Variants in DIXDC1 observed in about 807,000 individuals in gnomAD.
The protein encoded by DIXDC1 is dixin.
DIXDC1 carries 64 observed loss-of-function variants against 103.1 expected under a neutral mutation model. The observed-to-expected ratio is 0.62, with a 90% CI of 0.51 to 0.76. DIXDC1 has a LOEUF of 0.76. Among genes scored for constraint, DIXDC1 ranks in the 30% least tolerant of loss-of-function variants. DIXDC1 has a pLI of 0.00. For missense variants in DIXDC1, 759 were observed against 834.2 expected, an observed-to-expected ratio of 0.91 and a Z score of 1.11; for synonymous variants, 266 against 298.5, an observed-to-expected ratio of 0.89 and a Z score of 1.12.
In DIXDC1 at chr11:111,995,424, C is replaced by T. The variant is rs587602428; in HGVS notation, c.1549C>T (p.Arg517Ter). Residue 517 changes from arginine (R) to a stop codon, truncating the protein, a stop_gained, in exon 16 of 20, where the codon CGA becomes TGA. Coordinates refer to ENST00000440460, the MANE Select transcript of DIXDC1 (RefSeq NM_001037954.4). LOFTEE classifies it high-confidence loss of function. ...NRGTSDLQLV[R>*]DALRSLRNSF... Reference sequence around the variant, plus strand: ...ACAGACCAGCGACCTGCAGCTTGTTCGAGATGCTCTCCGCAGCCTGCGCAA... The same window carrying T: ...ACAGACCAGCGACCTGCAGCTTGTTTGAGATGCTCTCCGCAGCCTGCGCAA... 12 of 1,612,964 alleles carry T rather than the reference C, an allele frequency of 7.4e-6. No homozygotes were observed. Among genetic ancestry groups the T allele is most frequent in the Admixed American group, 1.7e-5 (1 of 60,022 alleles).
chr11:111,945,232 G>A (rs80210185), intron 1 of DIXDC1, among the ~76,000 whole-genome samples: 1,685 of 152,316 alleles, frequency 0.011, 23 homozygotes, highest in African/African-American at 0.032. Flanking sequence ...TTCCTTCTCA[G>A]GTGGGCAGCA....
chr11:111,993,428 CTG>C, intron 12 of DIXDC1, 66 bp from the exon 13 acceptor site: 2 of 1,566,154 alleles, frequency 1.3e-6, no homozygotes, highest in South Asian at 2.2e-5. Flanking sequence ...GGAAGTTACA[CTG>C]CAGAGGGTGA....
upstream of DIXDC1, among the ~76,000 whole-genome samples, chr11:111,933,349 G>T (rs1236919836): frequency 6.6e-6 from 1 of 152,096 alleles, no homozygotes; most frequent in Non-Finnish European, 1.5e-5. Context: ...GCTGGTCTCG[G>T]ACTCCTGACC....
intron 17 of DIXDC1, among the ~76,000 whole-genome samples, chr11:111,996,576 C>T (rs1471537431): frequency 2.0e-5 from 3 of 152,198 alleles, no homozygotes; most frequent in East Asian, 1.9e-4. Flanking sequence ...TCAGGCCGGG[C>T]GCGGTGGCTC....
intron 14 of DIXDC1, 100 bp from the exon 15 acceptor site, chr11:111,994,919 A>G (rs1309430988): frequency 1.9e-6 from 2 of 1,072,206 alleles, no homozygotes; most frequent in Admixed American, 4.2e-5. Flanking sequence ...ACAATTATAT[A>G]CTTCATCAGG....
At chr11:111,941,316 G>A (rs1274994143) in intron 1 of DIXDC1, among the ~76,000 whole-genome samples, 2 of 152,120 alleles carry the variant, frequency 1.3e-5, no homozygotes, top group African/African-American at 2.4e-5. Flanking sequence ...AAGAGTGAAC[G>A]TAGGCCCAGC....
At chr11:112,006,886 G>A (rs965866176) in intron 17 of DIXDC1, among the ~76,000 whole-genome samples, 20 of 152,208 alleles carry the variant, frequency 1.3e-4, no homozygotes, top group African/African-American at 4.8e-4. Flanking sequence ...TTCTAAAAAC[G>A]AGAGTACCTC....
At position 111,977,059 on chromosome 11, in the gene DIXDC1, T is replaced by A. The variant is rs1362566111; in HGVS notation, c.656+2076T>A. On this transcript the variant is annotated intron_variant, in intron 5 of 19. Coordinates refer to ENST00000440460, the MANE Select transcript of DIXDC1 (RefSeq NM_001037954.4). This position sits in a 1 kb window ranked among gnomAD's most constrained non-coding sequence, Gnocchi z 6.1. ...AGCACTCAGACCACTAGAGCCCTCC[T>A]CGTGATTCTGCCGATACGCGGCTCT... The A allele has an allele frequency of 6.0e-6, 1 of 165,330 alleles. No individual in the cohort carries two copies. Among genetic ancestry groups the A allele is most frequent in the Non-Finnish European group, 1.2e-5 (1 of 80,028 alleles). 10.2% of individuals were successfully genotyped at this position (165,330 alleles called of 1,614,324 possible).
At position 111,968,495 on chromosome 11, in the gene DIXDC1, T is replaced by G; in HGVS notation, c.191-18T>G. The G allele has an allele frequency of 6.2e-7, 1 of 1,610,124 alleles. No homozygotes were observed. Among genetic ancestry groups the G allele is most frequent in the Non-Finnish European group, 8.5e-7 (1 of 1,177,958 alleles). ...ATATTCCTCCCTATAACTTCCTATATTTTCTCTCTCCTAACAGCAGGAGAA... is the reference window on the plus strand; with the variant it reads ...ATATTCCTCCCTATAACTTCCTATAGTTTCTCTCTCCTAACAGCAGGAGAA... On this transcript the variant is annotated intron_variant, in intron 2 of 19. Coordinates refer to ENST00000440460, the MANE Select transcript of DIXDC1 (RefSeq NM_001037954.4).
intron 1 of DIXDC1, among the ~76,000 whole-genome samples, chr11:111,927,862 A>G (rs1210192262): frequency 6.6e-6 from 1 of 151,730 alleles, no homozygotes; most frequent in Non-Finnish European, 1.5e-5. Flanking sequence ...CTAAAAATAC[A>G]AAAATTAGCC....
chr11:111,966,397 A>AATTTTTTTTTT (rs1406243811), intron 2 of DIXDC1, among the ~76,000 whole-genome samples: 1 of 58,710 alleles, frequency 1.7e-5, no homozygotes, highest in African/African-American at 6.4e-5. Context: ...TAATTTTTGT[A>AATTTTTTTTTT]TTTTTTTTTT....
At chr11:111,966,383 A>C (rs1859732592) in intron 2 of DIXDC1, among the ~76,000 whole-genome samples, 1 of 146,664 alleles carries the variant, frequency 6.8e-6, no homozygotes, top group African/African-American at 2.6e-5. Context: ...CCACCACGCC[A>C]AGCTAATTTT....
At chr11:112,013,908 C>T (rs1255195300) in intron 17 of DIXDC1, among the ~76,000 whole-genome samples, 8 of 152,202 alleles carry the variant, frequency 5.3e-5, no homozygotes, top group East Asian at 1.9e-4. Flanking sequence ...CTTTCACTCA[C>T]GGCAGAAGGC....
In DIXDC1 at chr11:112,006,434, G is replaced by T. The variant is rs587762769; in HGVS notation, c.1757-10257G>T. Among the ~76,000 whole-genome samples, 3 of 152,344 alleles carry T rather than the reference G, an allele frequency of 2.0e-5. No homozygotes were observed. The South Asian group carries it at 6.2e-4, about 32-fold the overall frequency. ...TCTGACAGCTCTGAAGAGAGCAGTG[G>T]TTCTACCAGCATGGCGTTTGAGCTC... On this transcript the variant is annotated intron_variant, in intron 17 of 19. Transcript: ENST00000440460.
chr11:111,995,862 G>T (rs1480041866), intron 16 of DIXDC1, among the ~76,000 whole-genome samples: 1 of 152,142 alleles, frequency 6.6e-6, no homozygotes, highest in Non-Finnish European at 1.5e-5. Context: ...CCCTGATTGA[G>T]CTTGGCCTTG....
chr11:112,007,925 A>C (rs587622979), intron 17 of DIXDC1, among the ~76,000 whole-genome samples: 8 of 152,280 alleles, frequency 5.3e-5, no homozygotes, highest in Non-Finnish European at 5.9e-5. Flanking sequence ...AGCAGCTAAC[A>C]TCATAATGAC....
Position 111,996,134 on chromosome 11 carries a change from C to T in DIXDC1, c.1744C>T (p.Pro582Ser). The change falls in exon 17 of 20, where the codon CCC (proline) becomes TCC (serine). Residue 582 changes from proline (P) to serine (S), a missense_variant. Pro to Ser is a moderately conservative substitution (Grantham distance 74). Around this residue, in one of 3 missense-constraint regions of DIXDC1, gnomAD observed 657 missense variants for 727.5 expected, o/e 0.90. Coordinates refer to ENST00000440460, the MANE Select transcript of DIXDC1 (RefSeq NM_001037954.4). ...QVGSEYRESW[P>S]PNSKLPHSQS... Reference sequence around the variant, plus strand: ...AGGTAGTGAATACCGGGAGTCCTGGCCCCCTAACTCAAGTAAGTACCCATT... The same window carrying T: ...AGGTAGTGAATACCGGGAGTCCTGGTCCCCTAACTCAAGTAAGTACCCATT... 6.2e-7 allele frequency: 1 copy of T among 1,613,470 alleles called. No homozygotes were observed. The highest frequency in any genetic ancestry group is 1.7e-5 in the Admixed American group (1 of 59,964).
chr11:111,960,751 C>G (rs1386073302), intron 1 of DIXDC1, among the ~76,000 whole-genome samples: 3 of 152,132 alleles, frequency 2.0e-5, no homozygotes, highest in Admixed American at 6.5e-5. Flanking sequence ...TCTGACTGCT[C>G]TATGGTGGGC....
At chr11:111,975,777 G>C in intron 5 of DIXDC1, 2 of 985,294 alleles carry the variant, frequency 2.0e-6, no homozygotes, top group Non-Finnish European at 2.4e-6. Flanking sequence ...TGTATGTTAT[G>C]TGTCCTTGTT....
Sources: gnomAD v4.1 joint callset for allele counts (sites outside exome capture counted in the v4.1 genomes callset) on GRCh38, gnomAD v4.1.1 for gene constraint, gnomAD v4.1.1 regional missense constraint, Gnocchi (gnomAD v3.1) non-coding constraint, MANE v1.5 for transcripts, NCBI Gene and HGNC (gene_info 2026-07-23, HGNC 2026-07-21) for gene names.